RUSC2: variants seen among roughly 807,000 people sequenced by gnomAD.
RUSC2 encodes AP-4 complex accessory subunit RUSC2.
A neutral mutation model predicts 122.2 loss-of-function variants in RUSC2; 34 were observed. The ratio of observed to expected loss-of-function variants is 0.28; its 90% CI spans 0.21 to 0.37. The LOEUF (loss-of-function observed/expected upper bound fraction) is 0.37. Ranked by LOEUF, RUSC2 falls within the 10% of genes least tolerant of loss-of-function variation. The probability of loss-of-function intolerance (pLI) is 1.00; values close to 1 mark genes in which losing one functional copy is unlikely to be tolerated. For missense variants in RUSC2, 1,747 were observed against 1,952.4 expected, an observed-to-expected ratio of 0.89 and a Z score of 1.98; for synonymous variants, 784 against 790.0, an observed-to-expected ratio of 0.99 and a Z score of 0.13.
chr9:35,560,774 G>T lies in RUSC2; in HGVS notation c.4134G>T (p.Glu1378Asp). Residue 1378 changes from glutamate (E) to aspartate (D), a missense_variant, in exon 10 of 12, where the codon GAG (glutamate) becomes GAT (aspartate). Transcript: ENST00000361226. ...CAGAAAATGAGGAAGGGGCCTCAGA[G>T]CCTTCACCTGGAGGCATCAAGTGGG... The part of the protein sequence containing the change: ...SPAENEEGAS[E>D]PSPGGIKWGH... The T allele has an allele frequency of 6.5e-7, 1 of 1,535,826 alleles. No homozygotes were observed. The highest frequency in any genetic ancestry group is 2.1e-5 in the Admixed American group (1 of 47,558).
intron 1 of RUSC2, among the ~76,000 whole-genome samples, chr9:35,534,976 GTTTTT>G (rs928299822): frequency 3.4e-5 from 5 of 145,468 alleles, no homozygotes; most frequent in African/African-American, 7.5e-5. Context: ...GTCAGTTTAT[GTTTTT>G]TTTTTTATTT....
In RUSC2 at chr9:35,555,767, T is replaced by C. The variant is rs1350279223; in HGVS notation, c.2656+66T>C. ...CGCAAGCACTTCCACCACCTCCCCT[T>C]TGAGTGGTTGCTTACACTCTCACCT... On this transcript the variant is annotated intron_variant, in intron 3 of 11. Transcript: ENST00000361226. This position sits in a 1 kb window ranked among gnomAD's most constrained non-coding sequence, Gnocchi z 4.6. 2.6e-6 allele frequency: 4 copies of C among 1,520,220 alleles called. No homozygotes were observed. Among genetic ancestry groups the C allele is most frequent in the Non-Finnish European group, 3.5e-6 (4 of 1,138,604 alleles). The allele number at this position is 1,520,220 out of a possible 1,614,324, so 94.2% of individuals were successfully genotyped here. A position where few individuals can be genotyped will look rare whatever the true frequency, so the allele number is the denominator to read the frequency against.
In RUSC2 at chr9:35,559,291, C is replaced by A; in HGVS notation, c.3388+19C>A. ...CACGAAGGTAATGCCTAGAACCCTGCAGGTCAAACTCAATGGGTCAGAATT... is the reference window on the plus strand; with the variant it reads ...CACGAAGGTAATGCCTAGAACCCTGAAGGTCAAACTCAATGGGTCAGAATT... On this transcript the variant is annotated intron_variant, in intron 9 of 11. Transcript: ENST00000361226. 1 of 1,601,054 alleles carries A rather than the reference C, an allele frequency of 6.2e-7. No homozygotes were observed. The highest frequency in any genetic ancestry group is 8.6e-7 in the Non-Finnish European group (1 of 1,168,126).
chr9:35,502,687 T>TGATAAA (rs1820837989), intron 1 of RUSC2, among the ~76,000 whole-genome samples: 5 of 152,184 alleles, frequency 3.3e-5, no homozygotes, highest in Admixed American at 3.3e-4. Context: ...ATTGAACAGT[T>TGATAAA]CTTAGAGGCC....
At chr9:35,514,679 G>GT (rs1204212652) in intron 1 of RUSC2, among the ~76,000 whole-genome samples, 2 of 152,116 alleles carry the variant, frequency 1.3e-5, no homozygotes, top group African/African-American at 4.8e-5. Flanking sequence ...TAAGATGGAG[G>GT]TTTTTTTCTC....
chr9:35,527,116 C>A (rs944012123), intron 1 of RUSC2, among the ~76,000 whole-genome samples: 3 of 148,086 alleles, frequency 2.0e-5, no homozygotes, highest in Non-Finnish European at 4.5e-5. Flanking sequence ...GTCTTTTCTG[C>A]TGTTAAATTT....
intron 1 of RUSC2, among the ~76,000 whole-genome samples, chr9:35,527,502 AC>A (rs1284960263): frequency 3.9e-5 from 6 of 152,152 alleles, no homozygotes; most frequent in Non-Finnish European, 7.4e-5. Context: ...TAACTTCTGA[AC>A]ATATTTCGTT....
chr9:35,522,437 A>G (rs1821233976), intron 1 of RUSC2, among the ~76,000 whole-genome samples: 1 of 152,218 alleles, frequency 6.6e-6, no homozygotes. Flanking sequence ...CAACCAGGGT[A>G]GCTGTTTTAT....
rs2131708031 is a variant in RUSC2, at chr9:35,560,849, T to C, written c.4209T>C (p.Asn1403=). 6.5e-7 allele frequency: 1 copy of C among 1,536,702 alleles called. No individual in the cohort carries two copies. The highest frequency in any genetic ancestry group is 2.3e-5 in the East Asian group (1 of 44,230). Reference sequence around the variant, plus strand: ...CCCAGCGGGAGGCCCGGCCCACAAATAGGTGAGAGCCTGCCCATGGTAGGG... The same window carrying C: ...CCCAGCGGGAGGCCCGGCCCACAAACAGGTGAGAGCCTGCCCATGGTAGGG... ...RKAQREARPT[N]RLPSDWLSLD... The change falls in exon 10 of 12, where the codon AAT becomes AAC. Residue 1403 remains asparagine, a splice_region_variant and synonymous_variant. Transcript: ENST00000361226.
In RUSC2 at chr9:35,548,315, A is replaced by C. The variant is rs770513099; in HGVS notation, c.1794A>C (p.Pro598=). The C allele has an allele frequency of 6.2e-7, 1 of 1,613,986 alleles. No homozygotes were observed. The highest frequency in any genetic ancestry group is 8.5e-7 in the Non-Finnish European group (1 of 1,180,030). Reference sequence around the variant, plus strand: ...GCACTTGCTGTAGCCATAGCCTGCCACCCATGCCTTTGGGGCCAGGCATGG... The same window carrying C: ...GCACTTGCTGTAGCCATAGCCTGCCCCCCATGCCTTTGGGGCCAGGCATGG... ...DEGTCCSHSL[P]PMPLGPGMDL... Residue 598 remains proline, a synonymous_variant, in exon 2 of 12, where the codon CCA becomes CCC. Coordinates refer to ENST00000361226, the MANE Select transcript of RUSC2 (RefSeq NM_014806.5). The surrounding 1 kb of genome is among the most constrained non-coding windows in gnomAD (Gnocchi z 4.5).
chr9:35,557,415 G>A lies in RUSC2; in HGVS notation c.2984-499G>A, dbSNP rs772324594. 7.9e-5 allele frequency among the ~76,000 whole-genome samples: 12 copies of A among 152,216 alleles called. No homozygotes were observed. In the South Asian group the frequency reaches 1.2e-3, roughly 16 times the overall value. ...TTGGAGGTAGAGGGAAGTTAAAGGA[G>A]TTTATAACTAGGGAACTCTGTTCTC... On this transcript the variant is annotated intron_variant, in intron 5 of 11. Transcript: ENST00000361226. The surrounding 1 kb of genome is among the most constrained non-coding windows in gnomAD (Gnocchi z 4.6).
chr9:35,492,780 T>A (rs1820592649), intron 1 of RUSC2, among the ~76,000 whole-genome samples: 1 of 152,068 alleles, frequency 6.6e-6, no homozygotes, highest in South Asian at 2.1e-4. Flanking sequence ...TCTCCAGAAC[T>A]TTTTTTCATC....
rs1206280506 is a variant in RUSC2 at position 35,498,812 on chromosome 9, GATCGCC to G, written c.-93+8641_-93+8646del. Among the ~76,000 whole-genome samples the G allele has an allele frequency of 1.5e-3, 226 of 148,088 alleles. 1 individual carries two copies. Among genetic ancestry groups the G allele is most frequent in the Non-Finnish European group, 2.5e-3 (169 of 67,334 alleles). ...GGAGGCAGAGGTTGCAGTGAGCCGA[GATCGCC>G]TGGCGACAGAGTGAGACTACATCTC... On this transcript the variant is annotated intron_variant, in intron 1 of 11. Coordinates refer to ENST00000361226, the MANE Select transcript of RUSC2 (RefSeq NM_014806.5).
intron 1 of RUSC2, among the ~76,000 whole-genome samples, chr9:35,540,466 C>T (rs946481768): frequency 6.6e-6 from 1 of 152,130 alleles, no homozygotes; most frequent in African/African-American, 2.4e-5. Context: ...TGTTGTGCAA[C>T]TATATGGTTA....
intron 2 of RUSC2, among the ~76,000 whole-genome samples, chr9:35,551,989 A>G (rs980768544): frequency 6.6e-6 from 1 of 151,336 alleles, no homozygotes; most frequent in Non-Finnish European, 1.5e-5. Context: ...GCCTGAGCCC[A>G]GGAGTTTGAG....
intron 1 of RUSC2, among the ~76,000 whole-genome samples, chr9:35,509,751 T>C (rs552860634): frequency 1.3e-5 from 2 of 152,308 alleles, no homozygotes; most frequent in South Asian, 2.1e-4. Context: ...GATTCCTGAT[T>C]CACATTTATT....
chr9:35,531,252 C>G (rs916168038), intron 1 of RUSC2, among the ~76,000 whole-genome samples: 1 of 151,902 alleles, frequency 6.6e-6, no homozygotes, highest in Non-Finnish European at 1.5e-5. Context: ...CAGAGCAAGA[C>G]TCTCTCTCAA....
chr9:35,519,604 G>A (rs1056711843), intron 1 of RUSC2, among the ~76,000 whole-genome samples: 1 of 152,158 alleles, frequency 6.6e-6, no homozygotes, highest in East Asian at 1.9e-4. Flanking sequence ...AAAAAGGAAT[G>A]TGACCCTTCC....
chr9:35,493,789 C>T (rs916450247), intron 1 of RUSC2, among the ~76,000 whole-genome samples: 1 of 151,898 alleles, frequency 6.6e-6, no homozygotes, highest in African/African-American at 2.4e-5. Flanking sequence ...AGGTGTGAGC[C>T]ACTGCACCTG....
Sources: allele counts gnomAD v4.1 joint callset (sites outside exome capture counted in the v4.1 genomes callset), GRCh38; gene constraint gnomAD v4.1.1; non-coding constraint Gnocchi (gnomAD v3.1); transcripts MANE v1.5; gene names NCBI Gene and HGNC (gene_info 2026-07-23, HGNC 2026-07-21).